SYT9: variants seen among roughly 807,000 people sequenced by gnomAD.
SYT9 encodes synaptotagmin-9.
A neutral mutation model predicts 48.4 loss-of-function variants in SYT9; 22 were observed. The observed-to-expected ratio is 0.45, with a 90% CI of 0.32 to 0.65. The LOEUF (loss-of-function observed/expected upper bound fraction) is 0.65, where lower values mean the gene tolerates loss of function less well. Ranked by LOEUF, SYT9 falls within the 30% of genes least tolerant of loss-of-function variation. The pLI is 0.03. For missense variants in SYT9, 577 were observed against 622.0 expected, an observed-to-expected ratio of 0.93 and a Z score of 0.77; for synonymous variants, 265 against 245.0, an observed-to-expected ratio of 1.08 and a Z score of -0.76.
chr11:7,406,535 CATATATATAT>C (rs57371051), intron 3 of SYT9, among the ~76,000 whole-genome samples: 2,697 of 135,206 alleles, frequency 0.02, 49 homozygotes, highest in African/African-American at 0.045. Flanking sequence ...TTCAATTGCG[CATATATATAT>C]ATATATATAT....
chr11:7,342,610 G>A (rs1035443843), intron 3 of SYT9, among the ~76,000 whole-genome samples: 152 of 152,152 alleles, frequency 1.0e-3, no homozygotes, highest in African/African-American at 3.5e-3. Flanking sequence ...GGCTGCTTTC[G>A]TGGGCTGGCA....
chr11:7,400,852 CAT>C (rs758761842), intron 3 of SYT9, among the ~76,000 whole-genome samples: 38 of 152,224 alleles, frequency 2.5e-4, no homozygotes, highest in African/African-American at 6.3e-4. Context: ...TTAATCAAAA[CAT>C]GTGTATAATA....
intron 3 of SYT9, among the ~76,000 whole-genome samples, chr11:7,388,759 A>G (rs1003523174): frequency 6.6e-6 from 1 of 152,174 alleles, no homozygotes; most frequent in African/African-American, 2.4e-5. Flanking sequence ...TTTCAAATGT[A>G]TGGAAACATT....
intron 3 of SYT9, among the ~76,000 whole-genome samples, chr11:7,336,676 C>G: frequency 6.6e-6 from 1 of 152,082 alleles, no homozygotes; most frequent in African/African-American, 2.4e-5. Flanking sequence ...TTTCTGGGCT[C>G]TCTATTCTAT....
chr11:7,416,259 A>G, intron 4 of SYT9, 97 bp downstream of exon 4: 1 of 1,456,578 alleles, frequency 6.9e-7, no homozygotes, highest in Non-Finnish European at 9.5e-7. Flanking sequence ...TGACTCTGGA[A>G]CCAGACTGCC....
intron 6 of SYT9, among the ~76,000 whole-genome samples, chr11:7,454,862 G>C (rs1848119027): frequency 6.6e-6 from 1 of 152,210 alleles, no homozygotes; most frequent in South Asian, 2.1e-4. Flanking sequence ...ACCAAGTGGT[G>C]AGTTTGCCTG....
rs533695548 is a variant in SYT9 at position 7,436,737 on chromosome 11, T to C, written c.1467+16102T>C. Among the ~76,000 whole-genome samples the C allele has an allele frequency of 7.3e-4, 111 of 152,276 alleles. 1 individual carries two copies. The highest frequency in any genetic ancestry group is 2.4e-3 in the African/African-American group (101 of 41,542). The stretch of plus-strand genomic sequence containing the variant: ...AGCTACTGTGATCGAAGCAGACAAA[T>C]TGAGGAGAGCAAAATCATTTAATCA... On this transcript the variant is annotated intron_variant, in intron 6 of 6. Transcript: ENST00000318881.
chr11:7,345,701 G>C (rs1328288065), intron 3 of SYT9, among the ~76,000 whole-genome samples: 1 of 152,204 alleles, frequency 6.6e-6, no homozygotes, highest in African/African-American at 2.4e-5. Flanking sequence ...TATAGACTAG[G>C]CTGGAGCTCA....
chr11:7,274,387 G>T (rs537299957), intron 1 of SYT9, among the ~76,000 whole-genome samples: 103 of 143,220 alleles, frequency 7.2e-4, no homozygotes, highest in Non-Finnish European at 1.3e-3. Context: ...GCACGATCTT[G>T]GCTCACTGCA....
chr11:7,420,413 C>T lies in SYT9; in HGVS notation c.1338-93C>T, dbSNP rs1008417620. On this transcript the variant is annotated intron_variant, in intron 5 of 6. Transcript: ENST00000318881. ...ACAAACAAACAAACAAACAAAAAAC[C>T]ACATCCCCAATTCCTTCATCAGTTT... The T allele has an allele frequency of 2.0e-5, 29 of 1,479,758 alleles. No individual in the cohort carries two copies. The African/African-American group carries it at 3.1e-4, about 16-fold the overall frequency. 91.7% of individuals were successfully genotyped at this position (1,479,758 alleles called of 1,614,324 possible).
intron 3 of SYT9, among the ~76,000 whole-genome samples, chr11:7,326,626 C>A (rs1849441515): frequency 6.8e-6 from 1 of 146,202 alleles, no homozygotes. Flanking sequence ...AATCCTAAGC[C>A]AAAAGAACAA....
At chr11:7,373,997 T>C (rs1368700223) in intron 3 of SYT9, among the ~76,000 whole-genome samples, 1 of 152,070 alleles carries the variant, frequency 6.6e-6, no homozygotes, top group Non-Finnish European at 1.5e-5. Context: ...TAGGTATACA[T>C]TTGCCATGGT....
chr11:7,427,301 TAGG>T, intron 6 of SYT9: 1 of 152,274 alleles, frequency 6.6e-6, no homozygotes, highest in African/African-American at 2.4e-5. Flanking sequence ...TTTCTCTATT[TAGG>T]AGAAGAACAT....
intron 3 of SYT9, among the ~76,000 whole-genome samples, chr11:7,342,349 C>T (rs772772127): frequency 4.6e-5 from 7 of 152,196 alleles, no homozygotes; most frequent in Non-Finnish European, 8.8e-5. Flanking sequence ...TTAGTTACTT[C>T]CTAGATACAA....
intron 6 of SYT9, among the ~76,000 whole-genome samples, chr11:7,460,092 C>T (rs1848211674): frequency 6.6e-6 from 1 of 152,124 alleles, no homozygotes; most frequent in Non-Finnish European, 1.5e-5. Flanking sequence ...AATAAAAGTA[C>T]CTGCCTCAGA....
chr11:7,422,696 G>A (rs1007682997), intron 6 of SYT9, among the ~76,000 whole-genome samples: 1 of 152,246 alleles, frequency 6.6e-6, no homozygotes, highest in Admixed American at 6.5e-5. Flanking sequence ...GATGAGGTGT[G>A]TGGTGTAGGG....
intron 3 of SYT9, among the ~76,000 whole-genome samples, chr11:7,347,423 C>T (rs1056850289): frequency 2.6e-5 from 4 of 151,902 alleles, no homozygotes; most frequent in Non-Finnish European, 5.9e-5. Context: ...TTAGTGGAGA[C>T]GGGGTTCTAC....
chr11:7,239,500 G>A (rs934017104), intron 1 of SYT9, among the ~76,000 whole-genome samples: 1 of 152,134 alleles, frequency 6.6e-6, no homozygotes, highest in Non-Finnish European at 1.5e-5. Context: ...TACCACAACT[G>A]CCTTGGACTA....
intron 6 of SYT9, among the ~76,000 whole-genome samples, chr11:7,433,028 G>T (rs1209869488): frequency 6.6e-6 from 1 of 152,146 alleles, no homozygotes; most frequent in Non-Finnish European, 1.5e-5. Flanking sequence ...GCAGGACCTG[G>T]TGAGAAGTGT....
Sources: gnomAD v4.1 joint callset for allele counts (sites outside exome capture counted in the v4.1 genomes callset) on GRCh38, gnomAD v4.1.1 for gene constraint, MANE v1.5 for transcripts, NCBI Gene and HGNC (gene_info 2026-07-23, HGNC 2026-07-21) for gene names.